The following BMPR1B variants were observed in gnomAD, a reference collection of about 807,000 sequenced individuals.
The protein encoded by BMPR1B is bone morphogenetic protein receptor type-1B.
A neutral mutation model predicts 59.1 loss-of-function variants in BMPR1B; 12 were observed. The observed-to-expected ratio is 0.20, with a 90% CI of 0.13 to 0.33. BMPR1B has a LOEUF of 0.33. BMPR1B is among the 10% of genes least tolerant of loss of function. BMPR1B has a pLI of 1.00. For synonymous variants in BMPR1B, 237 were observed against 207.3 expected, an observed-to-expected ratio of 1.14 and a Z score of -1.23; for missense variants, 550 against 610.9, an observed-to-expected ratio of 0.90 and a Z score of 1.05.
intron 2 of BMPR1B, among the ~76,000 whole-genome samples, chr4:94,978,420 G>A (rs756754610): frequency 2.0e-5 from 3 of 152,178 alleles, no homozygotes; most frequent in Non-Finnish European, 2.9e-5. Flanking sequence ...CTCTTTATTC[G>A]TGTAGTTTCA....
In BMPR1B at chr4:94,758,005, C is replaced by T. The variant is rs1721588826; in HGVS notation, c.-246C>T. The T allele has an allele frequency of 1.4e-5, 2 of 145,292 alleles. No homozygotes were observed. The highest frequency in any genetic ancestry group is 6.8e-5 in the Admixed American group (1 of 14,602). 9.0% of individuals were successfully genotyped at this position (145,292 alleles called of 1,614,324 possible). A position where few individuals can be genotyped will look rare whatever the true frequency, so the allele number is the denominator to read the frequency against. On this transcript the variant is annotated 5_prime_UTR_variant, in exon 1 of 13. Coordinates refer to ENST00000515059, the MANE Select transcript of BMPR1B (RefSeq NM_001203.3). ...GGGGCGCGGAGTCGGCGGGGCCTCG[C>T]GGGACGCCGGGCAGTGCGGAGACCG...
chr4:95,014,687 CT>C (rs1167787208), intron 3 of BMPR1B, among the ~76,000 whole-genome samples: 1 of 152,106 alleles, frequency 6.6e-6, no homozygotes, highest in Non-Finnish European at 1.5e-5. Context: ...CCTAATCTTC[CT>C]TTAATATCAT....
chr4:94,845,254 T>C (rs1366650034), intron 1 of BMPR1B, among the ~76,000 whole-genome samples: 1 of 152,146 alleles, frequency 6.6e-6, no homozygotes, highest in African/African-American at 2.4e-5. Context: ...AAAATTTCGG[T>C]TCAATATCAG....
chr4:95,135,923 G>T (rs768649633), intron 10 of BMPR1B, among the ~76,000 whole-genome samples: 37 of 152,122 alleles, frequency 2.4e-4, no homozygotes, highest in Non-Finnish European at 5.0e-4. Context: ...CTGAGAGAGG[G>T]CATCCCTGTC....
rs370107931 is a variant in BMPR1B at position 94,866,562 on chromosome 4, C to G, written c.-182-9269C>G. On this transcript the variant is annotated intron_variant, in intron 1 of 12. Coordinates refer to ENST00000515059, the MANE Select transcript of BMPR1B (RefSeq NM_001203.3). ...AAAAGGCTGTCTGTGTTCCTTACCA[C>G]CAATTCATTGCTTTTTTGTTTTTGT... Among the ~76,000 whole-genome samples, 29 of 152,080 alleles carry G rather than the reference C, an allele frequency of 1.9e-4. No homozygotes were observed. In the South Asian group the frequency reaches 4.4e-3, roughly 23 times the overall value.
chr4:95,034,611 A>T (rs1003149332), intron 3 of BMPR1B, among the ~76,000 whole-genome samples: 1 of 151,086 alleles, frequency 6.6e-6, no homozygotes, highest in African/African-American at 2.4e-5. Flanking sequence ...CCATTGTTTC[A>T]TTTTTTTATG....
chr4:94,981,409 A>T (rs1206546847), intron 2 of BMPR1B, among the ~76,000 whole-genome samples: 1 of 152,138 alleles, frequency 6.6e-6, no homozygotes, highest in Admixed American at 6.6e-5. Flanking sequence ...TTTTAATTAA[A>T]TTTCTTCAAG....
intron 2 of BMPR1B, among the ~76,000 whole-genome samples, chr4:94,969,401 G>C (rs914318142): frequency 4.6e-5 from 7 of 152,152 alleles, no homozygotes; most frequent in African/African-American, 1.7e-4. Context: ...CTGTCATCAA[G>C]ATGCTTGTTT....
chr4:95,001,884 C>T (rs1722476071), intron 3 of BMPR1B, among the ~76,000 whole-genome samples: 1 of 152,090 alleles, frequency 6.6e-6, no homozygotes, highest in South Asian at 2.1e-4. Flanking sequence ...GAAGTTGGGG[C>T]TCTTTGGCTC....
chr4:95,009,482 A>T (rs1222152045), intron 3 of BMPR1B, among the ~76,000 whole-genome samples: 1 of 152,194 alleles, frequency 6.6e-6, no homozygotes, highest in Non-Finnish European at 1.5e-5. Flanking sequence ...GAGCCTGCAG[A>T]ATCCCCAAAA....
chr4:94,874,500 A>G (rs975826531), intron 1 of BMPR1B, among the ~76,000 whole-genome samples: 1 of 152,182 alleles, frequency 6.6e-6, no homozygotes, highest in Admixed American at 6.5e-5. Context: ...ATATGTAAAT[A>G]TAGAAAAATA....
chr4:94,800,538 T>C (rs1723368081), intron 1 of BMPR1B, among the ~76,000 whole-genome samples: 1 of 151,142 alleles, frequency 6.6e-6, no homozygotes, highest in South Asian at 2.1e-4. Context: ...AGCACTCTTG[T>C]GGACTAGGTG....
At chr4:95,015,007 G>GGGA (rs1382943460) in intron 3 of BMPR1B, among the ~76,000 whole-genome samples, 2 of 152,126 alleles carry the variant, frequency 1.3e-5, no homozygotes, top group African/African-American at 4.8e-5. Context: ...ATGGACCCTT[G>GGGA]GGAGGGGGTG....
chr4:94,895,692 C>G (rs1727558600), intron 2 of BMPR1B, among the ~76,000 whole-genome samples: 1 of 150,342 alleles, frequency 6.7e-6, no homozygotes, highest in Non-Finnish European at 1.5e-5. Context: ...AAAATAGGCT[C>G]TATATAGCAT....
intron 1 of BMPR1B, among the ~76,000 whole-genome samples, chr4:94,855,637 T>C (rs1462531009): frequency 6.6e-6 from 1 of 152,258 alleles, no homozygotes; most frequent in Non-Finnish European, 1.5e-5. Flanking sequence ...GAAAGCCTGT[T>C]TCTAAGTCTT....
Position 95,131,264 on chromosome 4 carries a change from C to T in BMPR1B, c.828C>T (p.Tyr276=). 1 of 1,613,774 alleles carries T rather than the reference C, an allele frequency of 6.2e-7. No homozygotes were observed. Among genetic ancestry groups the T allele is most frequent in the East Asian group, 2.2e-5 (1 of 44,862 alleles). ...IKGTGSWTQL[Y]LITDYHENGS... is the part of the protein sequence containing the mutation. ...GGACAGGGTCCTGGACCCAGTTGTA[C>T]CTAATCACAGACTATCATGAAAATG... The change falls in exon 10 of 13, where the codon TAC becomes TAT. Residue 276 remains tyrosine, a synonymous_variant. Transcript: ENST00000515059.
chr4:94,811,894 G>T (rs756564939), intron 1 of BMPR1B, among the ~76,000 whole-genome samples: 2 of 152,096 alleles, frequency 1.3e-5, no homozygotes, highest in Non-Finnish European at 2.9e-5. Context: ...CATATTCTGC[G>T]ATGTGGAAAT....
intron 4 of BMPR1B, among the ~76,000 whole-genome samples, chr4:95,112,759 G>C (rs930782203): frequency 6.6e-6 from 1 of 151,994 alleles, no homozygotes; most frequent in Admixed American, 6.6e-5. Flanking sequence ...TACTGTCTCT[G>C]ATGTTTCTTT....
At chr4:95,053,238 T>C (rs753373717) in intron 3 of BMPR1B, among the ~76,000 whole-genome samples, 5 of 151,428 alleles carry the variant, frequency 3.3e-5, no homozygotes, top group Non-Finnish European at 7.4e-5. Flanking sequence ...CTAGGTCATA[T>C]AGGTGTAGGG....
Sources: allele counts gnomAD v4.1 joint callset (sites outside exome capture counted in the v4.1 genomes callset), GRCh38; gene constraint gnomAD v4.1.1; transcripts MANE v1.5; gene names NCBI Gene and HGNC (gene_info 2026-07-23, HGNC 2026-07-21).